SH2D3C: variants seen among roughly 807,000 people sequenced by gnomAD.
The protein encoded by SH2D3C is SH2 domain containing 3C.
SH2D3C carries 25 observed loss-of-function variants against 75.2 expected under a neutral mutation model. That is an observed-to-expected ratio of 0.33 (90% CI 0.24 to 0.46). The LOEUF (loss-of-function observed/expected upper bound fraction) is 0.46. Ranked by LOEUF, SH2D3C falls within the 20% of genes least tolerant of loss-of-function variation. The probability of loss-of-function intolerance (pLI) is 1.00; values close to 1 mark genes in which losing one functional copy is unlikely to be tolerated. For missense variants in SH2D3C, 933 were observed against 1,165.3 expected, an observed-to-expected ratio of 0.80 and a Z score of 2.90; for synonymous variants, 450 against 473.7, an observed-to-expected ratio of 0.95 and a Z score of 0.65.
intron 8 of SH2D3C, 103 bp downstream of exon 8, chr9:127,742,745 CT>C: frequency 1.3e-6 from 1 of 785,214 alleles, no homozygotes. Context: ...CCAGAGCCCC[CT>C]GGGAGCCGAG....
At position 127,744,778 on chromosome 9, in the gene SH2D3C, G is replaced by A; in HGVS notation, c.1586C>T (p.Ser529Leu). ...RSYGERLKEL[S>L]ENGAPEGDWG... ...GTCCCCTTCAGGGGCCCCATTTTCT[G>A]ACAGTTCCTTTAGCCTCTCCCCATA... The change falls in exon 7 of 12, where the codon TCA (serine) becomes TTA (leucine). Residue 529 changes from serine (S) to leucine (L), a missense_variant. By Grantham distance (145) the Ser-to-Leu change is moderately radical. Transcript: ENST00000314830. The A allele has an allele frequency of 6.2e-7, 1 of 1,614,092 alleles. No homozygotes were observed. The highest frequency in any genetic ancestry group is 2.2e-5 in the East Asian group (1 of 44,892).
In SH2D3C at chr9:127,754,871, C is replaced by G; in HGVS notation, c.556-3571G>C. The G allele has an allele frequency of 2.0e-6, 1 of 502,880 alleles. No homozygotes were observed. The allele number at this position is 502,880 out of a possible 1,614,324, so 31.2% of individuals were successfully genotyped here. A position where few individuals can be genotyped will look rare whatever the true frequency, so the allele number is the denominator to read the frequency against. ...CGCAGCCCAGAGTCCCAGGAGTGGC[C>G]GCCGAACCCTCACCCCGCGGAGCGC... On this transcript the variant is annotated intron_variant, in intron 3 of 11. Transcript: ENST00000314830. The surrounding 1 kb of genome is among the most constrained non-coding windows in gnomAD (Gnocchi z 4.4).
chr9:127,764,769 G>A (rs1845602021), intron 2 of SH2D3C, among the ~76,000 whole-genome samples: 1 of 152,180 alleles, frequency 6.6e-6, no homozygotes, highest in African/African-American at 2.4e-5. Flanking sequence ...GTACAGTGGT[G>A]CGATCTTGGC....
Position 127,749,574 on chromosome 9 carries a change from C to A in SH2D3C, c.776G>T (p.Arg259Leu), listed in dbSNP as rs575748112. The A allele has an allele frequency of 6.2e-7, 1 of 1,610,544 alleles. No homozygotes were observed. The highest frequency in any genetic ancestry group is 1.1e-5 in the South Asian group (1 of 90,506). The change falls in exon 5 of 12, where the codon CGC (arginine) becomes CTC (leucine). Residue 259 changes from arginine to leucine, a missense_variant. Physicochemically the swap from Arg to Leu is moderately radical, Grantham distance 102. Coordinates refer to ENST00000314830, the MANE Select transcript of SH2D3C (RefSeq NM_170600.3). The surrounding 1 kb of genome is among the most constrained non-coding windows in gnomAD (Gnocchi z 5.9). ...LGDYVLTCRW[R>L]NQALHFKINK... ...GATCTTGAAGTGCAAGGCCTGGTTG[C>A]GCCAGCGGCACGTGAGCACATAGTC...
In SH2D3C at chr9:127,745,055, A is replaced by G. The variant is rs2233509; in HGVS notation, c.1309T>C (p.Leu437=). The change falls in exon 7 of 12, where the codon TTG becomes CTG. Residue 437 remains leucine (L), a synonymous_variant. Transcript: ENST00000314830. ...AAPAAPSATA[L]PASPVARRSS... is the part of the protein sequence containing the mutation. ...CGGCGGGCGACAGGGGAGGCAGGCA[A>G]TGCTGTGGCAGAAGGGGCTGCAGGG... 205 of 1,510,948 alleles carry G rather than the reference A, an allele frequency of 1.4e-4. No homozygotes were observed. The highest frequency in any genetic ancestry group is 1.7e-4 in the Non-Finnish European group (194 of 1,130,652). The allele number at this position is 1,510,948 out of a possible 1,614,324, so 93.6% of individuals were successfully genotyped here.
chr9:127,771,319 T>A, intron 2 of SH2D3C: 2 of 1,434,198 alleles, frequency 1.4e-6, no homozygotes, highest in Non-Finnish European at 1.8e-6. Flanking sequence ...CAGAGCTCAG[T>A]GCCGGACTCC....
rs374668429 is a variant in SH2D3C at position 127,761,675 on chromosome 9, C to T, written c.516-25G>A. ...CCTGGAAGGAGAAAAGACAAGTGAG[C>T]ATCCCCAGCCCTGCTTGGCTCCCCA... On this transcript the variant is annotated intron_variant, in intron 2 of 11. Coordinates refer to ENST00000314830, the MANE Select transcript of SH2D3C (RefSeq NM_170600.3). The T allele has an allele frequency of 7.0e-5, 112 of 1,605,670 alleles. 1 individual carries two copies. The highest frequency in any genetic ancestry group is 9.3e-5 in the Non-Finnish European group (109 of 1,174,882).
chr9:127,759,765 C>T (rs897582217), intron 3 of SH2D3C, among the ~76,000 whole-genome samples: 3 of 151,864 alleles, frequency 2.0e-5, no homozygotes, highest in African/African-American at 4.8e-5. Context: ...AGGCGGATCA[C>T]GAAGTCAGGA....
Position 127,740,292 on chromosome 9 carries a change from G to A in SH2D3C, c.2166C>T (p.Leu722=). 6.2e-7 allele frequency: 1 copy of A among 1,614,130 alleles called. No homozygotes were observed. The highest frequency in any genetic ancestry group is 8.5e-7 in the Non-Finnish European group (1 of 1,180,002). ...TEGAILYEKK[L]KPFLKSLNEG... is the part of the protein sequence containing the mutation. ...CGTTGAGGCTCTTGAGAAAAGGCTT[G>A]AGCTTCTTCTCGTACAGGATGGCAC... Residue 722 remains leucine (L), a synonymous_variant, in exon 10 of 12, where the codon CTC becomes CTT. Transcript: ENST00000314830.
intron 3 of SH2D3C, 62 bp downstream of exon 3, chr9:127,761,547 CGT>C: frequency 8.2e-7 from 1 of 1,212,906 alleles, no homozygotes; most frequent in Non-Finnish European, 1.2e-6. Context: ...TCTGCCCACC[CGT>C]AATGGAGCAG....
Position 127,754,967 on chromosome 9 carries a change from A to G in SH2D3C, c.556-3667T>C. The stretch of plus-strand genomic sequence containing the variant: ...GGTCGGCCGGGCCCAGCCCAGCCCG[A>G]CCCTGCCGGGCGCCGCTGAGCTGCA... On this transcript the variant is annotated intron_variant, in intron 3 of 11. Coordinates refer to ENST00000314830, the MANE Select transcript of SH2D3C (RefSeq NM_170600.3). The surrounding 1 kb of genome is among the most constrained non-coding windows in gnomAD (Gnocchi z 4.4). The G allele has an allele frequency of 7.8e-6, 4 of 513,380 alleles. No homozygotes were observed. The highest frequency in any genetic ancestry group is 4.2e-5 in the Admixed American group (1 of 23,604). 31.8% of individuals were successfully genotyped at this position (513,380 alleles called of 1,614,324 possible). A position where few individuals can be genotyped will look rare whatever the true frequency, so the allele number is the denominator to read the frequency against.
chr9:127,743,022 G>C, intron 7 of SH2D3C, 58 bp from the exon 8 acceptor site: 1 of 1,327,708 alleles, frequency 7.5e-7, no homozygotes, highest in Non-Finnish European at 1.1e-6. Context: ...CCAGCCATCT[G>C]GGAGTCAGAG....
In SH2D3C at chr9:127,774,596, T is replaced by C. The variant is rs1445907270; in HGVS notation, c.38-129A>G. The C allele has an allele frequency of 1.1e-5, 7 of 616,888 alleles. No individual in the cohort carries two copies. The highest frequency in any genetic ancestry group is 1.8e-5 in the African/African-American group (1 of 54,388). 38.2% of individuals were successfully genotyped at this position (616,888 alleles called of 1,614,324 possible). ...CTGGCGGTTTCCCAGACACCCCTTC[T>C]AAAATTGTTAACACGCCCCTAGAAA... On this transcript the variant is annotated intron_variant, in intron 1 of 11. Coordinates refer to ENST00000314830, the MANE Select transcript of SH2D3C (RefSeq NM_170600.3). This position sits in a 1 kb window ranked among gnomAD's most constrained non-coding sequence, Gnocchi z 4.3.
intron 10 of SH2D3C, 88 bp downstream of exon 10, chr9:127,740,170 G>C (rs1412412767): frequency 1.8e-6 from 2 of 1,120,746 alleles, no homozygotes; most frequent in Non-Finnish European, 2.7e-6. Flanking sequence ...ACAGAGCTCA[G>C]CCAGGCTGTC....
chr9:127,761,259 G>A lies in SH2D3C; in HGVS notation c.555+352C>T, dbSNP rs12001520. 4.9e-3 allele frequency among the ~76,000 whole-genome samples: 753 copies of A among 152,270 alleles called. 8 individuals carry two copies. The highest frequency in any genetic ancestry group is 0.017 in the African/African-American group (725 of 41,554). ...TCCTCTCCTGCTCCCTGCTTCCAGC[G>A]CCAGCACACAGTAGGTGCACAAAGA... On this transcript the variant is annotated intron_variant, in intron 3 of 11. Coordinates refer to ENST00000314830, the MANE Select transcript of SH2D3C (RefSeq NM_170600.3).
chr9:127,764,790 CT>C (rs1245716002), intron 2 of SH2D3C, among the ~76,000 whole-genome samples: 1 of 152,172 alleles, frequency 6.6e-6, no homozygotes, highest in Non-Finnish European at 1.5e-5. Context: ...TGACTGCAAC[CT>C]CCGCCTCCCG....
chr9:127,761,634 C>G lies in SH2D3C; in HGVS notation c.532G>C (p.Glu178Gln). ...ACCTTCACATAGTCGCTGCCAGCCT[C>G]TGGCTCTCCAGCAGCCCTGGAAGGA... is the stretch of plus-strand genomic sequence containing the variant. Reference protein sequence around the residue: ...VHSERAAGEPEAGSDYVKFSK... With the variant: ...VHSERAAGEPQAGSDYVKFSK... Residue 178 changes from glutamate (E) to glutamine (Q), a missense_variant, in exon 3 of 12, where the codon GAG (glutamate) becomes CAG (glutamine). Physicochemically the swap from Glu to Gln is conservative, Grantham distance 29. Coordinates refer to ENST00000314830, the MANE Select transcript of SH2D3C (RefSeq NM_170600.3). 1.2e-6 allele frequency: 2 copies of G among 1,612,622 alleles called. No homozygotes were observed. The highest frequency in any genetic ancestry group is 1.7e-6 in the Non-Finnish European group (2 of 1,179,286).
intron 9 of SH2D3C, among the ~76,000 whole-genome samples, chr9:127,741,526 G>A (rs1011645968): frequency 6.6e-6 from 1 of 152,074 alleles, no homozygotes; most frequent in African/African-American, 2.4e-5. Flanking sequence ...CATGAGCCAC[G>A]GCACCCGGCC....
At chr9:127,773,033 C>G (rs1463784488) in intron 2 of SH2D3C, among the ~76,000 whole-genome samples, 1 of 151,746 alleles carries the variant, frequency 6.6e-6, no homozygotes, top group African/African-American at 2.4e-5. Flanking sequence ...GGGGTTTTAC[C>G]ATGTTAGCCA....
Sources: gnomAD v4.1 joint callset for allele counts (sites outside exome capture counted in the v4.1 genomes callset) on GRCh38, gnomAD v4.1.1 for gene constraint, Gnocchi (gnomAD v3.1) non-coding constraint, MANE v1.5 for transcripts, NCBI Gene and HGNC (gene_info 2026-07-23, HGNC 2026-07-21) for gene names.